ENPEP: variants seen among roughly 807,000 people sequenced by gnomAD.
ENPEP encodes the protein glutamyl aminopeptidase.
In ENPEP, 103 loss-of-function variants were observed where a neutral mutation model predicts 114.5. The observed-to-expected ratio is 0.90, with a 90% CI of 0.77 to 1.06. The LOEUF (loss-of-function observed/expected upper bound fraction) is 1.06. ENPEP is among the 50% of genes least tolerant of loss of function. ENPEP has a pLI of 0.00. For synonymous variants in ENPEP, 420 were observed against 422.0 expected, an observed-to-expected ratio of 1.00 and a Z score of 0.06; for missense variants, 1,196 against 1,161.3, an observed-to-expected ratio of 1.03 and a Z score of -0.43.
intron 10 of ENPEP, among the ~76,000 whole-genome samples, chr4:110,524,750 T>C (rs576375501): frequency 6.6e-6 from 1 of 152,244 alleles, no homozygotes; most frequent in Admixed American, 6.5e-5. Flanking sequence ...CTTTGCCAAA[T>C]GTATTTATTT....
chr4:110,520,982 T>G (rs191036055), intron 10 of ENPEP, among the ~76,000 whole-genome samples: 8 of 152,242 alleles, frequency 5.3e-5, no homozygotes, highest in Admixed American at 3.3e-4. Flanking sequence ...CTAAAGAAAT[T>G]GACTAAAACA....
intron 8 of ENPEP, 193 bp downstream of exon 8, chr4:110,515,635 T>G (rs1725736934): frequency 1.6e-6 from 1 of 623,658 alleles, no homozygotes. Flanking sequence ...AATGATCATT[T>G]AGCAGAAGTC....
chr4:110,535,266 T>A (rs1726567659), intron 11 of ENPEP, among the ~76,000 whole-genome samples: 1 of 152,202 alleles, frequency 6.6e-6, no homozygotes, highest in South Asian at 2.1e-4. Flanking sequence ...ACTTCCAGAT[T>A]TGAGGGTGTC....
intron 7 of ENPEP, among the ~76,000 whole-genome samples, chr4:110,513,757 T>C (rs1348963759): frequency 6.6e-6 from 1 of 152,176 alleles, no homozygotes; most frequent in Non-Finnish European, 1.5e-5. Context: ...AAAAGAGATT[T>C]TTAAGAATTT....
At position 110,513,508 on chromosome 4, in the gene ENPEP, G is replaced by C. The variant is rs993537506; in HGVS notation, c.1402G>C (p.Asp468His). The change falls in exon 7 of 20, where the codon GAT becomes CAT. Residue 468 changes from aspartate (D) to histidine (H), a missense_variant. Transcript: ENST00000265162. ...HPIIVTVTTP[D>H]EITSVFDGIS... is the part of the protein sequence containing the mutation. ...AATTATTGTGACTGTGACAACCCCT[G>C]ATGAAATAACATCTGTTTTTGATGG... The C allele has an allele frequency of 2.5e-6, 4 of 1,613,308 alleles. No homozygotes were observed. The African/African-American group carries it at 5.3e-5, about 22-fold the overall frequency.
At chr4:110,532,280 C>T (rs1421658071) in intron 11 of ENPEP, among the ~76,000 whole-genome samples, 1 of 152,130 alleles carries the variant, frequency 6.6e-6, no homozygotes, top group Non-Finnish European at 1.5e-5. Context: ...TCCCATATGC[C>T]CAGCCCTAAG....
intron 18 of ENPEP, among the ~76,000 whole-genome samples, chr4:110,556,557 G>A (rs554593986): frequency 5.3e-5 from 8 of 151,910 alleles, no homozygotes; most frequent in East Asian, 3.9e-4. Context: ...TATACGTAGT[G>A]TATTGATGAA....
intron 17 of ENPEP, among the ~76,000 whole-genome samples, chr4:110,550,358 C>T (rs1727242089): frequency 6.6e-6 from 1 of 152,064 alleles, no homozygotes; most frequent in Non-Finnish European, 1.5e-5. Flanking sequence ...GTGAGTCACA[C>T]TCTGGGTCTG....
intron 18 of ENPEP, among the ~76,000 whole-genome samples, chr4:110,554,813 A>G (rs1395495822): frequency 6.6e-6 from 1 of 152,046 alleles, no homozygotes; most frequent in Non-Finnish European, 1.5e-5. Context: ...GATGAAGCAT[A>G]AAAGTTACTT....
chr4:110,550,074 G>A (rs959723942), intron 17 of ENPEP, among the ~76,000 whole-genome samples, 188 bp downstream of exon 17: 7 of 152,044 alleles, frequency 4.6e-5, no homozygotes, highest in Non-Finnish European at 1.0e-4. Flanking sequence ...AATCTCATAT[G>A]AACACATTCT....
At chr4:110,481,591 C>T (rs542465481) in intron 1 of ENPEP, among the ~76,000 whole-genome samples, 1 of 152,268 alleles carries the variant, frequency 6.6e-6, no homozygotes, top group African/African-American at 2.4e-5. Context: ...TGCTGGGACA[C>T]ATTGCATTAC....
chr4:110,490,233 T>C (rs1009632276), intron 2 of ENPEP, among the ~76,000 whole-genome samples: 4 of 151,880 alleles, frequency 2.6e-5, no homozygotes, highest in Non-Finnish European at 5.9e-5. Context: ...CACTACTAGG[T>C]TTTTATGGTA....
At chr4:110,535,593 G>A (rs1341790188) in intron 11 of ENPEP, among the ~76,000 whole-genome samples, 1 of 152,178 alleles carries the variant, frequency 6.6e-6, no homozygotes, top group Non-Finnish European at 1.5e-5. Flanking sequence ...AACTAAGAAT[G>A]CTAACTTGTT....
At chr4:110,552,955 A>C (rs987932953) in intron 17 of ENPEP, among the ~76,000 whole-genome samples, 1 of 152,114 alleles carries the variant, frequency 6.6e-6, no homozygotes, top group African/African-American at 2.4e-5. Flanking sequence ...AAAGTGTGTG[A>C]AGTACTCTAT....
intron 10 of ENPEP, among the ~76,000 whole-genome samples, chr4:110,521,284 G>A (rs1725978237): frequency 6.6e-6 from 1 of 152,056 alleles, no homozygotes; most frequent in Non-Finnish European, 1.5e-5. Flanking sequence ...GCATGAAGAC[G>A]ACTTGAGTCA....
At chr4:110,530,542 T>C (rs1232827993) in intron 10 of ENPEP, among the ~76,000 whole-genome samples, 1 of 152,158 alleles carries the variant, frequency 6.6e-6, no homozygotes, top group Admixed American at 6.5e-5. Flanking sequence ...TAAGTGTATA[T>C]ATCAAAATAC....
intron 6 of ENPEP, among the ~76,000 whole-genome samples, chr4:110,511,685 G>A (rs10024670): frequency 0.34 from 51,578 of 151,658 alleles, 9,323 homozygotes; most frequent in African/African-American, 0.44. Context: ...AGAATTTGCT[G>A]TGCACTTCTT....
At chr4:110,559,997 T>G (rs558001781) in intron 19 of ENPEP, among the ~76,000 whole-genome samples, 1 of 152,222 alleles carries the variant, frequency 6.6e-6, no homozygotes, top group East Asian at 1.9e-4. Context: ...CCTGTGTCCA[T>G]GTGTTCTCAT....
rs1489722616 is a variant in ENPEP, at chr4:110,549,972, A to G, written c.2501+86A>G. 3.9e-6 allele frequency: 5 copies of G among 1,295,280 alleles called. No individual in the cohort carries two copies. In the African/African-American group the frequency reaches 7.5e-5, roughly 19 times the overall value. The allele number at this position is 1,295,280 out of a possible 1,614,324, so 80.2% of individuals were successfully genotyped here. On this transcript the variant is annotated intron_variant, in intron 17 of 19. Transcript: ENST00000265162. Reference sequence around the variant, plus strand: ...TCTTTAAGAGTCTGATTAAAGTATGATGTTTTGTTTCCAAAAAAATCCATT... The same window carrying G: ...TCTTTAAGAGTCTGATTAAAGTATGGTGTTTTGTTTCCAAAAAAATCCATT...
Sources: allele counts gnomAD v4.1 joint callset (sites outside exome capture counted in the v4.1 genomes callset), GRCh38; gene constraint gnomAD v4.1.1; transcripts MANE v1.5; gene names NCBI Gene and HGNC (gene_info 2026-07-23, HGNC 2026-07-21).